PLIN4: variants seen among roughly 807,000 people sequenced by gnomAD.
PLIN4 encodes the protein perilipin-4.
In PLIN4, 57 loss-of-function variants were observed where a neutral mutation model predicts 52.4. The ratio of observed to expected loss-of-function variants is 1.09; its 90% CI spans 0.88 to 1.36. PLIN4 has a LOEUF of 1.36. Among genes scored for constraint, PLIN4 ranks in the 40% most tolerant of loss-of-function variants. The pLI is 0.00. For synonymous variants in PLIN4, 826 were observed against 785.4 expected (o/e 1.05, Z -0.86); for missense variants, 1,757 against 1,770.3 (o/e 0.99, Z 0.13).
In PLIN4 at chr19:4,518,451, G is replaced by C. The variant is rs1331091661; in HGVS notation, c.-84C>G. On this transcript the variant is annotated 5_prime_UTR_variant, in exon 1 of 8. Transcript: ENST00000301286. ...GGCCCCGCTCACCTGGACTGCGCGG[G>C]GTCCCCTGGAGGACGGACCGGCCCG... 6 of 1,224,564 alleles carry C rather than the reference G, an allele frequency of 4.9e-6. No homozygotes were observed. The highest frequency in any genetic ancestry group is 6.1e-6 in the Non-Finnish European group (6 of 984,032). The allele number at this position is 1,224,564 out of a possible 1,614,324, so 75.9% of individuals were successfully genotyped here. A position where few individuals can be genotyped will look rare whatever the true frequency, so the allele number is the denominator to read the frequency against.
In PLIN4 at chr19:4,504,472, G is replaced by C; in HGVS notation, c.4103C>G (p.Ala1368Gly). The change falls in exon 8 of 8, where the codon GCT (alanine) becomes GGT (glycine). Residue 1368 changes from alanine (A) to glycine (G), a missense_variant. Transcript: ENST00000301286. ...SWLVGPFALP[A>G]GGQ Reference sequence around the variant, plus strand: ...AGGCTCCTACAGCTACTGCCCGCCAGCGGGCAAGGCGAAGGGCCCTACCAG... The same window carrying C: ...AGGCTCCTACAGCTACTGCCCGCCACCGGGCAAGGCGAAGGGCCCTACCAG... 6.3e-7 allele frequency: 1 copy of C among 1,579,472 alleles called. No homozygotes were observed. Among genetic ancestry groups the C allele is most frequent in the Non-Finnish European group, 8.6e-7 (1 of 1,160,124 alleles).
chr19:4,508,945 A>G lies in PLIN4; in HGVS notation c.3525T>C (p.Ala1175=), dbSNP rs1568227613. ...PMNAEEQAQL[A]ASQPGPKVLS... ...GCACCTTTGGCCCAGGCTGGGAGGC[A>G]GCCAGCTGAGCTGGAAAGGAAGGCG... The change falls in exon 6 of 8, where the codon GCT becomes GCC. Residue 1175 remains alanine, a synonymous_variant. Transcript: ENST00000301286. 1 of 1,610,862 alleles carries G rather than the reference A, an allele frequency of 6.2e-7. No homozygotes were observed. Among genetic ancestry groups the G allele is most frequent in the South Asian group, 1.1e-5 (1 of 90,812 alleles).
At chr19:4,515,781 T>A (rs1450615684) in intron 4 of PLIN4, among the ~76,000 whole-genome samples, 1 of 152,068 alleles carries the variant, frequency 6.6e-6, no homozygotes, top group Non-Finnish European at 1.5e-5. Flanking sequence ...AGTACTGAGG[T>A]TGAGAAGCCC....
Position 4,512,570 on chromosome 19 carries a change from C to A in PLIN4, c.1390G>T (p.Gly464Cys). Residue 464 changes from glycine (G) to cysteine (C), a missense_variant, in exon 5 of 8, where the codon GGT becomes TGT. This residue lies in a region of PLIN4 where 439 missense variants were observed against 406.4 expected (regional missense o/e 1.08). Coordinates refer to ENST00000301286, the MANE Select transcript of PLIN4 (RefSeq NM_001367868.2). Reference sequence around the variant, plus strand: ...CCACTGCAGACAGTGTCCTTGGTACCAGTTAGAACGATCTTGGTGGTGTCC... The same window carrying A: ...CCACTGCAGACAGTGTCCTTGGTACAAGTTAGAACGATCTTGGTGGTGTCC... ...GVDTTKIVLT[G>C]TKDTVCSGVT... 1 of 1,610,846 alleles carries A rather than the reference C, an allele frequency of 6.2e-7. No individual in the cohort carries two copies. The highest frequency in any genetic ancestry group is 8.5e-7 in the Non-Finnish European group (1 of 1,178,348).
At chr19:4,505,280 C>T (rs1446760327) in intron 6 of PLIN4, among the ~76,000 whole-genome samples, 2 of 152,174 alleles carry the variant, frequency 1.3e-5, no homozygotes, top group Non-Finnish European at 2.9e-5. Flanking sequence ...ACACCTCTGG[C>T]CTCATCTCCC....
rs1227107626 is a variant in PLIN4, at chr19:4,504,423, AGG to A, written c.*34_*35del. On this transcript the variant is annotated 3_prime_UTR_variant, in exon 8 of 8. Coordinates refer to ENST00000301286, the MANE Select transcript of PLIN4 (RefSeq NM_001367868.2). ...GAGGCAGCTCCTCCCTGGACAGAGC[AGG>A]GCGACCCCGCGCCGGGCCTGCAGGC... 1.4e-6 allele frequency: 2 copies of A among 1,481,108 alleles called. No homozygotes were observed. Among genetic ancestry groups the A allele is most frequent in the African/African-American group, 2.8e-5 (2 of 71,796 alleles). 91.7% of individuals were successfully genotyped at this position (1,481,108 alleles called of 1,614,324 possible).
rs1976647982 is a variant in PLIN4, at chr19:4,518,424, G to A, written c.-57C>T. 9.0e-6 allele frequency: 11 copies of A among 1,228,092 alleles called. No individual in the cohort carries two copies. The highest frequency in any genetic ancestry group is 4.2e-5 in the Admixed American group (1 of 23,610). The allele number at this position is 1,228,092 out of a possible 1,614,324, so 76.1% of individuals were successfully genotyped here. ...TCACCCTGGTGTCACCGAAGCAGACGCGGCCCCGCTCACCTGGACTGCGCG... is the reference window on the plus strand; with the variant it reads ...TCACCCTGGTGTCACCGAAGCAGACACGGCCCCGCTCACCTGGACTGCGCG... On this transcript the variant is annotated 5_prime_UTR_variant, in exon 1 of 8. Coordinates refer to ENST00000301286, the MANE Select transcript of PLIN4 (RefSeq NM_001367868.2).
At chr19:4,505,527 C>T (rs1056426413) in intron 6 of PLIN4, among the ~76,000 whole-genome samples, 4 of 152,174 alleles carry the variant, frequency 2.6e-5, no homozygotes, top group Admixed American at 6.5e-5. Context: ...CCCCTCTCCT[C>T]GGGAGCACAG....
In PLIN4 at chr19:4,512,590, GT is replaced by G. The variant is rs775045044; in HGVS notation, c.1369del (p.Thr457ProfsTer6). ...GGTACCAGTTAGAACGATCTTGGTG[GT>G]GTCCACGCCTGTCTGGATGGTTCCT... ...ARGTIQTGVD[T>X]TKIVLTGTKD... On this transcript the variant is annotated frameshift_variant, in exon 5 of 8. Coordinates refer to ENST00000301286, the MANE Select transcript of PLIN4 (RefSeq NM_001367868.2). LOFTEE classifies it high-confidence loss of function. 15 of 1,610,328 alleles carry G rather than the reference GT, an allele frequency of 9.3e-6. No individual in the cohort carries two copies. Among genetic ancestry groups the G allele is most frequent in the Non-Finnish European group, 1.2e-5 (14 of 1,178,234 alleles).
Position 4,513,331 on chromosome 19 carries a change from A to G in PLIN4, c.629T>C (p.Met210Thr), listed in dbSNP as rs1413137134. 4 of 1,604,018 alleles carry G rather than the reference A, an allele frequency of 2.5e-6. No homozygotes were observed. The African/African-American group carries it at 5.6e-5, about 22-fold the overall frequency. ...GTKDTVTTGVMGAVNLAKGTV... is the reference protein window; with the variant it reads ...GTKDTVTTGVTGAVNLAKGTV... ...CCCTTTGGCCAAGTTCACTGCCCCC[A>G]TGACCCCAGTAGTCACTGTGTCTTT... is the stretch of plus-strand genomic sequence containing the variant. Residue 210 changes from methionine to threonine, a missense_variant, in exon 5 of 8, where the codon ATG (methionine) becomes ACG (threonine). Met to Thr is a moderately conservative substitution (Grantham distance 81, BLOSUM62 -1). This residue lies in a region of PLIN4 where 332 missense variants were observed against 310.8 expected (regional missense o/e 1.07). Coordinates refer to ENST00000301286, the MANE Select transcript of PLIN4 (RefSeq NM_001367868.2).
rs950992333 is a variant in PLIN4 at position 4,505,033 on chromosome 19, G to A, written c.3703-86C>T. ...CACCTCCCCCTCCCCCAGGGACCTG[G>A]GCACATTCACAGTCCTGGGAGAAAG... On this transcript the variant is annotated intron_variant, in intron 6 of 7. Coordinates refer to ENST00000301286, the MANE Select transcript of PLIN4 (RefSeq NM_001367868.2). The A allele has an allele frequency of 4.3e-5, 56 of 1,293,096 alleles. 3 individuals are homozygous for A. The African/African-American group carries it at 4.7e-4, about 11-fold the overall frequency. The allele number at this position is 1,293,096 out of a possible 1,614,324, so 80.1% of individuals were successfully genotyped here. A position where few individuals can be genotyped will look rare whatever the true frequency, so the allele number is the denominator to read the frequency against.
rs1477152101 is a variant in PLIN4, at chr19:4,508,958, G to A, written c.3515-3C>T. On this transcript the variant is annotated splice_region_variant and splice_polypyrimidine_tract_variant and intron_variant, in intron 5 of 7. Coordinates refer to ENST00000301286, the MANE Select transcript of PLIN4 (RefSeq NM_001367868.2). ...AGGCTGGGAGGCAGCCAGCTGAGCT[G>A]GAAAGGAAGGCGCACCGCTCAGTCC... 1.2e-6 allele frequency: 2 copies of A among 1,609,016 alleles called. No homozygotes were observed. Among genetic ancestry groups the A allele is most frequent in the Admixed American group, 1.7e-5 (1 of 59,810 alleles).
rs150287417 is a variant in PLIN4 at position 4,508,672 on chromosome 19, C to T, written c.3702+96G>A. The stretch of plus-strand genomic sequence containing the variant: ...TTGGTGACGCTGACAGCATCATCTC[C>T]TAGGTGCTCAGTCAGTATCTGCAGC... On this transcript the variant is annotated intron_variant, in intron 6 of 7. Transcript: ENST00000301286. 414 of 1,312,552 alleles carry T rather than the reference C, an allele frequency of 3.2e-4. 7 individuals carry two copies. In the East Asian group the frequency reaches 0.01, roughly 33 times the overall value. The allele number at this position is 1,312,552 out of a possible 1,614,324, so 81.3% of individuals were successfully genotyped here.
intron 6 of PLIN4, among the ~76,000 whole-genome samples, chr19:4,505,473 C>T (rs1568225423): frequency 6.6e-6 from 1 of 152,234 alleles, no homozygotes; most frequent in African/African-American, 2.4e-5. Context: ...GTGAGACCTT[C>T]CTGGCCCATG....
At chr19:4,513,830 T>G in intron 4 of PLIN4, 129 bp from the exon 5 acceptor site, 1 of 1,216,752 alleles carries the variant, frequency 8.2e-7, no homozygotes, top group Non-Finnish European at 1.1e-6. Context: ...CCCCACCTCC[T>G]CAAAAAGCAA....
chr19:4,510,617 C>G lies in PLIN4; in HGVS notation c.3343G>C (p.Gly1115Arg). Residue 1115 changes from glycine (G) to arginine (R), a missense_variant, in exon 5 of 8, where the codon GGC (glycine) becomes CGC (arginine). Physicochemically the swap from Gly to Arg is moderately radical, Grantham distance 125 (BLOSUM62 -2). Transcript: ENST00000301286. ...AACGTCGCCACGTCAGTCGCAAGGC[C>G]CTTGGTAGTGGCTGCGGCTTCCCAG... ...PAWEAAATTK[G>R]LATDVATFTQ... 1 of 1,509,274 alleles carries G rather than the reference C, an allele frequency of 6.6e-7. No individual in the cohort carries two copies. The highest frequency in any genetic ancestry group is 8.9e-7 in the Non-Finnish European group (1 of 1,129,662). 93.5% of individuals were successfully genotyped at this position (1,509,274 alleles called of 1,614,324 possible).
chr19:4,511,938 A>G lies in PLIN4; in HGVS notation c.2022T>C (p.Ala674=), dbSNP rs776430070. 6.9e-6 allele frequency: 11 copies of G among 1,590,442 alleles called. No individual in the cohort carries two copies. The African/African-American group carries it at 7.0e-5, about 10-fold the overall frequency. The change falls in exon 5 of 8, where the codon GCT becomes GCC. Residue 674 remains alanine (A), a synonymous_variant. Transcript: ENST00000301286. ...GGGCAGCCCCTTTGGCCACATTCAC[A>G]GCACTGGTCACCCCACTGCCAAAGG... The part of the protein sequence containing the change: ...KNTFGSGVTS[A]VNVAKGAAQT...
chr19:4,509,517 C>G (rs894959373), intron 5 of PLIN4, among the ~76,000 whole-genome samples: 2 of 151,400 alleles, frequency 1.3e-5, no homozygotes, highest in South Asian at 4.2e-4. Context: ...CGCAGCTACT[C>G]GGGAGGCTGA....
chr19:4,517,714 G>T lies in PLIN4; in HGVS notation c.52-16C>A, dbSNP rs78269307. ...TGCCCAGGGTCTGCATGGGGGCGGG[G>T]GGTGTGCAGGATGAGCAGGCCAAGC... On this transcript the variant is annotated splice_polypyrimidine_tract_variant and intron_variant, in intron 2 of 7. Transcript: ENST00000301286. The T allele has an allele frequency of 6.4e-7, 1 of 1,571,442 alleles. No homozygotes were observed. Among genetic ancestry groups the T allele is most frequent in the Non-Finnish European group, 8.6e-7 (1 of 1,158,806 alleles).
Sources: gnomAD v4.1 joint callset for allele counts (sites outside exome capture counted in the v4.1 genomes callset) on GRCh38, gnomAD v4.1.1 for gene constraint, gnomAD v4.1.1 regional missense constraint, MANE v1.5 for transcripts, NCBI Gene and HGNC (gene_info 2026-07-23, HGNC 2026-07-21) for gene names.